CDH12: variants seen among roughly 807,000 people sequenced by gnomAD.
CDH12 encodes the protein cadherin-12.
CDH12 carries 41 observed loss-of-function variants against 74.1 expected under a neutral mutation model. The observed-to-expected ratio is 0.55, with a 90% CI of 0.43 to 0.72. The LOEUF is 0.72. Among genes scored for constraint, CDH12 ranks in the 30% least tolerant of loss-of-function variants. The pLI is 0.00. For missense variants in CDH12, 945 were observed against 977.2 expected (o/e 0.97, Z 0.44); for synonymous variants, 399 against 355.0 (o/e 1.12, Z -1.39).
chr5:22,680,703 G>A (rs1008285083), intron 1 of CDH12, among the ~76,000 whole-genome samples: 5 of 151,856 alleles, frequency 3.3e-5, no homozygotes, highest in African/African-American at 7.3e-5. Context: ...AAAACACATT[G>A]GGCAGCCACA....
intron 1 of CDH12, among the ~76,000 whole-genome samples, chr5:22,576,715 G>T (rs1216602359): frequency 6.6e-6 from 1 of 150,770 alleles, no homozygotes; most frequent in African/African-American, 2.4e-5. Context: ...AGGAGGCGAT[G>T]GTCCTTGCGT....
At chr5:21,854,099 A>T (rs1359792452) in intron 7 of CDH12, among the ~76,000 whole-genome samples, 1 of 151,702 alleles carries the variant, frequency 6.6e-6, no homozygotes, top group Non-Finnish European at 1.5e-5. Context: ...TGCTACTCAT[A>T]TTGTATTTGA....
intron 2 of CDH12, among the ~76,000 whole-genome samples, chr5:22,495,433 TG>T (rs1747066798): frequency 6.6e-6 from 1 of 152,020 alleles, no homozygotes; most frequent in African/African-American, 2.4e-5. Context: ...AACAAGGTGG[TG>T]GGGCTAAATG....
At chr5:22,566,005 C>A (rs1000575271) in intron 1 of CDH12, among the ~76,000 whole-genome samples, 1 of 152,100 alleles carries the variant, frequency 6.6e-6, no homozygotes, top group Non-Finnish European at 1.5e-5. Context: ...CACTTTAAAA[C>A]AATTTATTAG....
At chr5:22,339,616 A>G (rs1389023415) in intron 3 of CDH12, among the ~76,000 whole-genome samples, 1 of 152,200 alleles carries the variant, frequency 6.6e-6, no homozygotes, top group Admixed American at 6.5e-5. Flanking sequence ...CTCAGAGTAA[A>G]GGATGAGGTA....
chr5:22,634,572 A>G (rs1233447131), intron 1 of CDH12, among the ~76,000 whole-genome samples: 1 of 152,162 alleles, frequency 6.6e-6, no homozygotes, highest in African/African-American at 2.4e-5. Context: ...GTGTTACAAC[A>G]CAACTTGTTA....
intron 3 of CDH12, among the ~76,000 whole-genome samples, chr5:22,262,268 C>A (rs185468260): frequency 8.0e-5 from 9 of 113,052 alleles, no homozygotes; most frequent in South Asian, 7.0e-4. Context: ...TCCCTCCCCC[C>A]TCCCCCCACC....
At chr5:22,821,347 C>T (rs1749690658) in intron 1 of CDH12, among the ~76,000 whole-genome samples, 1 of 152,162 alleles carries the variant, frequency 6.6e-6, no homozygotes, top group Non-Finnish European at 1.5e-5. Context: ...CCCTCTCTCA[C>T]CACTCCTATT....
Position 22,447,451 on chromosome 5 carries a change from C to T in CDH12, c.-427-42100G>A, listed in dbSNP as rs1414227259. The stretch of plus-strand genomic sequence containing the variant: ...GCCTAATGCATTGCTAATGTCATCT[C>T]ATTTTAAAAATCTTGAATTGATATA... On this transcript the variant is annotated intron_variant, in intron 2 of 14. Coordinates refer to ENST00000382254, the MANE Select transcript of CDH12 (RefSeq NM_004061.5). Among the ~76,000 whole-genome samples, 8 of 152,150 alleles carry T rather than the reference C, an allele frequency of 5.3e-5. No individual in the cohort carries two copies. The East Asian group carries it at 1.6e-3, about 29-fold the overall frequency.
At chr5:22,800,363 G>T (rs937461127) in intron 1 of CDH12, among the ~76,000 whole-genome samples, 1 of 152,114 alleles carries the variant, frequency 6.6e-6, no homozygotes, top group African/African-American at 2.4e-5. Context: ...TTCTCCTGTT[G>T]ATCTCCATAG....
intron 5 of CDH12, among the ~76,000 whole-genome samples, chr5:21,988,281 C>T (rs1233896683): frequency 6.6e-6 from 1 of 151,912 alleles, no homozygotes; most frequent in Non-Finnish European, 1.5e-5. Context: ...CACTTGAGGT[C>T]AGGAGTTGGA....
In CDH12 at chr5:22,077,291, C is replaced by T. The variant is rs550721548; in HGVS notation, c.231+1155G>A. Among the ~76,000 whole-genome samples the T allele has an allele frequency of 2.6e-5, 4 of 152,164 alleles. No individual in the cohort carries two copies. The East Asian group carries it at 7.7e-4, about 29-fold the overall frequency. The stretch of plus-strand genomic sequence containing the variant: ...ACTTTTCCACTGTATAATTTAATAT[C>T]CTTTAAATACATTTCCACAATGTAA... On this transcript the variant is annotated intron_variant, in intron 5 of 14. Coordinates refer to ENST00000382254, the MANE Select transcript of CDH12 (RefSeq NM_004061.5).
At chr5:22,738,968 G>A (rs1329771478) in intron 1 of CDH12, among the ~76,000 whole-genome samples, 1 of 152,106 alleles carries the variant, frequency 6.6e-6, no homozygotes, top group South Asian at 2.1e-4. Context: ...TTTTGGTAAA[G>A]CTCTGTACCA....
intron 3 of CDH12, among the ~76,000 whole-genome samples, chr5:22,346,209 A>G (rs1214942566): frequency 1.3e-5 from 2 of 152,086 alleles, no homozygotes; most frequent in Non-Finnish European, 2.9e-5. Context: ...GAATTCTTAT[A>G]AATAAAAAGG....
intron 3 of CDH12, among the ~76,000 whole-genome samples, chr5:22,295,694 C>A (rs1243248473): frequency 6.6e-6 from 1 of 152,044 alleles, no homozygotes; most frequent in East Asian, 1.9e-4. Flanking sequence ...GTTTATTATA[C>A]TGACAATAAC....
At chr5:22,621,619 T>A (rs528642713) in intron 1 of CDH12, among the ~76,000 whole-genome samples, 2 of 152,204 alleles carry the variant, frequency 1.3e-5, no homozygotes, top group South Asian at 4.1e-4. Flanking sequence ...AAATGGATAA[T>A]TCTCTGGCAA....
At chr5:21,854,999 T>C (rs1750681351) in intron 6 of CDH12, among the ~76,000 whole-genome samples, 1 of 151,762 alleles carries the variant, frequency 6.6e-6, no homozygotes, top group African/African-American at 2.4e-5. Context: ...AAATACGCAT[T>C]TTAAAAGTTG....
chr5:21,917,268 T>C (rs780544659), intron 6 of CDH12, among the ~76,000 whole-genome samples: 18 of 152,074 alleles, frequency 1.2e-4, no homozygotes, highest in Admixed American at 5.9e-4. Flanking sequence ...CATATGGGAA[T>C]CCCCTGGGAG....
At chr5:21,826,190 G>A (rs1748659810) in intron 8 of CDH12, among the ~76,000 whole-genome samples, 1 of 152,004 alleles carries the variant, frequency 6.6e-6, no homozygotes, top group African/African-American at 2.4e-5. Context: ...CAGCTTTTGA[G>A]TTTTCCTACT....
Sources: gnomAD v4.1 joint callset for allele counts (sites outside exome capture counted in the v4.1 genomes callset) on GRCh38, gnomAD v4.1.1 for gene constraint, MANE v1.5 for transcripts, NCBI Gene and HGNC (gene_info 2026-07-23, HGNC 2026-07-21) for gene names.